SLIT3: variants seen among roughly 807,000 people sequenced by gnomAD.
The protein encoded by SLIT3 is slit homolog 3 protein.
A neutral mutation model predicts 184.0 loss-of-function variants in SLIT3; 68 were observed. The ratio of observed to expected loss-of-function variants is 0.37; its 90% confidence interval spans 0.30 to 0.45. The LOEUF is 0.45. Among genes scored for constraint, SLIT3 ranks in the 20% least tolerant of loss-of-function variants. SLIT3 has a pLI of 1.00. For synonymous variants in SLIT3, 831 were observed against 828.6 expected, an observed-to-expected ratio of 1.00 and a Z score of -0.05; for missense variants, 1,707 against 2,026.0, an observed-to-expected ratio of 0.84 and a Z score of 3.02.
intron 4 of SLIT3, among the ~76,000 whole-genome samples, chr5:169,124,000 C>T (rs1376799869): frequency 6.6e-6 from 1 of 152,210 alleles, no homozygotes; most frequent in Non-Finnish European, 1.5e-5. Context: ...GCTCATTCCT[C>T]TCATCAAGCA....
chr5:169,237,875 G>A (rs1203489028), intron 3 of SLIT3, among the ~76,000 whole-genome samples: 5 of 152,054 alleles, frequency 3.3e-5, no homozygotes, highest in African/African-American at 4.8e-5. Flanking sequence ...TTTACATGTA[G>A]GTCTATGAAT....
intron 16 of SLIT3, among the ~76,000 whole-genome samples, chr5:168,756,982 G>A (rs1162137624): frequency 6.6e-6 from 1 of 152,172 alleles, no homozygotes. Flanking sequence ...AAAAAAGAGG[G>A]GGATATAATT....
chr5:168,866,077 C>A (rs1056859852), intron 5 of SLIT3, among the ~76,000 whole-genome samples: 1 of 152,204 alleles, frequency 6.6e-6, no homozygotes, highest in Non-Finnish European at 1.5e-5. Flanking sequence ...AGCTTTTTCA[C>A]TTTTTCCTTC....
intron 20 of SLIT3, among the ~76,000 whole-genome samples, chr5:168,745,180 G>A (rs1763762104): frequency 6.6e-6 from 1 of 152,202 alleles, no homozygotes; most frequent in African/African-American, 2.4e-5. Flanking sequence ...AAAATAGTGA[G>A]AACTAGAATT....
chr5:168,835,304 T>C (rs1758013836), intron 6 of SLIT3, among the ~76,000 whole-genome samples: 1 of 152,216 alleles, frequency 6.6e-6, no homozygotes, highest in South Asian at 2.1e-4. Context: ...CCACATCTGC[T>C]GTTTTCATTC....
chr5:169,209,789 T>C (rs12653666), intron 3 of SLIT3, among the ~76,000 whole-genome samples: 103,749 of 151,730 alleles, frequency 0.68, 36,067 homozygotes, highest in East Asian at 0.79. Flanking sequence ...CACACCAGGA[T>C]CTGTCGGGGG....
At chr5:169,279,353 T>G (rs1766919805) in intron 1 of SLIT3, among the ~76,000 whole-genome samples, 1 of 152,146 alleles carries the variant, frequency 6.6e-6, no homozygotes, top group African/African-American at 2.4e-5. Context: ...TTTCCCCACA[T>G]CCTGTCTCAC....
At chr5:168,778,582 G>A (rs1195867942) in intron 12 of SLIT3, among the ~76,000 whole-genome samples, 1 of 152,220 alleles carries the variant, frequency 6.6e-6, no homozygotes, top group East Asian at 1.9e-4. Flanking sequence ...GGCACGAGGT[G>A]GCAGGTTCTT....
intron 4 of SLIT3, among the ~76,000 whole-genome samples, chr5:169,181,086 G>A (rs1763136107): frequency 6.6e-6 from 1 of 152,328 alleles, no homozygotes; most frequent in South Asian, 2.1e-4. Flanking sequence ...TATGAGCCAA[G>A]AAGTCAAAGA....
intron 4 of SLIT3, among the ~76,000 whole-genome samples, chr5:169,161,674 T>C (rs1283070071): frequency 6.6e-6 from 1 of 150,376 alleles, no homozygotes; most frequent in East Asian, 2.0e-4. Flanking sequence ...TTTTCATGTA[T>C]GGTTAATCTG....
At chr5:169,156,256 G>A (rs1762300733) in intron 4 of SLIT3, among the ~76,000 whole-genome samples, 1 of 152,174 alleles carries the variant, frequency 6.6e-6, no homozygotes, top group Non-Finnish European at 1.5e-5. Context: ...ATACAGTGGA[G>A]TAAAGGGAAG....
chr5:169,061,915 G>A (rs1462691467), intron 4 of SLIT3, among the ~76,000 whole-genome samples: 1 of 152,184 alleles, frequency 6.6e-6, no homozygotes, highest in Non-Finnish European at 1.5e-5. Flanking sequence ...CAGAGAGACT[G>A]AGTCTATCCC....
At chr5:169,101,324 C>G (rs1760005466) in intron 4 of SLIT3, among the ~76,000 whole-genome samples, 2 of 152,198 alleles carry the variant, frequency 1.3e-5, no homozygotes, top group African/African-American at 4.8e-5. Flanking sequence ...GTGGGTAAAG[C>G]TGAAGTTTGT....
chr5:168,967,437 C>CTTTTTTTTTTTTT lies in SLIT3; in HGVS notation c.414-84114_414-84102dup, dbSNP rs540309809. Among the ~76,000 whole-genome samples the CTTTTTTTTTTTTT allele has an allele frequency of 1.9e-3, 61 of 32,736 alleles. 19 individuals carry two copies. Among genetic ancestry groups the CTTTTTTTTTTTTT allele is most frequent in the East Asian group, 0.011 (5 of 450 alleles). 21.5% of individuals were successfully genotyped at this position (32,736 alleles called of 152,430 possible). ...TTCCTCTGGCACTGCCATCTCAAAT[C>CTTTTTTTTTTTTT]TTTTTTTTTTTTTTTTTTTTGAGAC... On this transcript the variant is annotated intron_variant, in intron 4 of 35. Coordinates refer to ENST00000519560, the MANE Select transcript of SLIT3 (RefSeq NM_003062.4).
At chr5:168,991,380 T>C (rs1165563398) in intron 4 of SLIT3, among the ~76,000 whole-genome samples, 1 of 152,162 alleles carries the variant, frequency 6.6e-6, no homozygotes, top group Non-Finnish European at 1.5e-5. Flanking sequence ...CTCACCAGCA[T>C]GGGGCAGTCA....
chr5:169,188,892 C>T (rs1253294098), intron 4 of SLIT3, among the ~76,000 whole-genome samples: 3 of 152,172 alleles, frequency 2.0e-5, no homozygotes, highest in African/African-American at 7.2e-5. Context: ...CCCCTTAACC[C>T]TTTCACTTGA....
chr5:169,056,067 G>A (rs1757992369), intron 4 of SLIT3, among the ~76,000 whole-genome samples: 1 of 152,162 alleles, frequency 6.6e-6, no homozygotes, highest in Admixed American at 6.5e-5. Context: ...TGGAGTCTGG[G>A]AGTCTGGTTA....
intron 6 of SLIT3, 62 bp downstream of exon 6, chr5:168,844,522 G>GACACAC: frequency 6.9e-7 from 1 of 1,455,788 alleles, no homozygotes. Context: ...TCCCCACACA[G>GACACAC]ACACACACAC....
chr5:169,138,141 C>T (rs1200778129), intron 4 of SLIT3, among the ~76,000 whole-genome samples: 1 of 152,202 alleles, frequency 6.6e-6, no homozygotes, highest in Non-Finnish European at 1.5e-5. Flanking sequence ...CCACCCAATT[C>T]CCCTTTTCTG....
Sources: gnomAD v4.1 joint callset for allele counts (sites outside exome capture counted in the v4.1 genomes callset) on GRCh38, gnomAD v4.1.1 for gene constraint, MANE v1.5 for transcripts, NCBI Gene and HGNC (gene_info 2026-07-23, HGNC 2026-07-21) for gene names.